The following DDX27 variants were observed in gnomAD, a reference collection of about 807,000 sequenced individuals.
The protein encoded by DDX27 is probable ATP-dependent RNA helicase DDX27.
Under a neutral mutation model 99.3 loss-of-function variants are expected in DDX27, and 42 were observed. The ratio of observed to expected loss-of-function variants is 0.42; its 90% CI spans 0.33 to 0.55. The LOEUF (loss-of-function observed/expected upper bound fraction) is 0.55, where lower values mean the gene tolerates loss of function less well. DDX27 is among the 20% of genes least tolerant of loss of function. DDX27 has a pLI of 0.07. For missense variants in DDX27, 798 were observed against 976.8 expected (o/e 0.82, Z 2.44); for synonymous variants, 329 against 353.8 (o/e 0.93, Z 0.79).
rs1307581190 is a variant in DDX27, at chr20:49,222,986, T to A, written c.270T>A (p.Ile90=). The change falls in exon 3 of 21, where the codon ATT becomes ATA. Residue 90 remains isoleucine (I), a synonymous_variant. Coordinates refer to ENST00000618172, the MANE Select transcript of DDX27 (RefSeq NM_017895.8). ...KRAATTLDEK[I]EKVRKKRKTE... is the part of the protein sequence containing the mutation. ...CAGCCACTACATTAGATGAGAAGAT[T>A]GAGAAAGTTCGAAAGAAAAGGAAAA... The A allele has an allele frequency of 6.2e-7, 1 of 1,613,236 alleles. No individual in the cohort carries two copies.
chr20:49,219,474 G>A lies in DDX27; in HGVS notation c.26G>A (p.Gly9Glu). 1 of 1,614,126 alleles carries A rather than the reference G, an allele frequency of 6.2e-7. No homozygotes were observed. The highest frequency in any genetic ancestry group is 1.3e-5 in the African/African-American group (1 of 75,044). ...ATGCTTGCGGACCTCGGCTTAATCGGAACCATAGGCGAGGATGACGAGGTG... is the reference window on the plus strand; with the variant it reads ...ATGCTTGCGGACCTCGGCTTAATCGAAACCATAGGCGAGGATGACGAGGTG... MLADLGLIGTIGEDDEVPV... is the reference protein window; with the variant it reads MLADLGLIETIGEDDEVPV... The change falls in exon 1 of 21, where the codon GGA becomes GAA. Residue 9 changes from glycine to glutamate, a missense_variant. Physicochemically the swap from Gly to Glu is moderately conservative, Grantham distance 98. This residue lies in a region of DDX27 where 245 missense variants were observed against 248.8 expected (regional missense o/e 0.98). Coordinates refer to ENST00000618172, the MANE Select transcript of DDX27 (RefSeq NM_017895.8).
chr20:49,242,858 A>T (rs541453853), intron 19 of DDX27, among the ~76,000 whole-genome samples, 177 bp downstream of exon 19: 1 of 151,986 alleles, frequency 6.6e-6, no homozygotes, highest in African/African-American at 2.4e-5. Flanking sequence ...AGAAGCTGGG[A>T]CTATAGGCGC....
At chr20:49,227,711 A>T (rs1489946993) in intron 7 of DDX27, among the ~76,000 whole-genome samples, 2 of 151,928 alleles carry the variant, frequency 1.3e-5, no homozygotes, top group African/African-American at 2.4e-5. Flanking sequence ...GCATGAGAGG[A>T]TGTCCGGTCT....
intron 4 of DDX27, 81 bp downstream of exon 4, chr20:49,223,514 C>G: frequency 7.7e-7 from 1 of 1,296,568 alleles, no homozygotes. Context: ...GTTTCCTCCA[C>G]TCTTCTGCAC....
chr20:49,233,524 C>T (rs902791855), intron 10 of DDX27, 44 bp from the exon 11 acceptor site: 3 of 1,603,940 alleles, frequency 1.9e-6, no homozygotes, highest in Admixed American at 3.3e-5. Flanking sequence ...TCCTTCCCTA[C>T]CACCTTGCAG....
At position 49,233,367 on chromosome 20, in the gene DDX27, C is replaced by T. The variant is rs145681733; in HGVS notation, c.1093C>T (p.Arg365Cys). The change falls in exon 10 of 21, where the codon CGC becomes TGC. Residue 365 changes from arginine to cysteine, a missense_variant. Physicochemically the swap from Arg to Cys is radical, Grantham distance 180. This residue lies in a region of DDX27 where 553 missense variants were observed against 727.9 expected (regional missense o/e 0.76). Coordinates refer to ENST00000618172, the MANE Select transcript of DDX27 (RefSeq NM_017895.8). ...KEIIRMCSHH[R>C]QTMLFSATMT... ...GATCATCCGAATGTGTTCCCACCAC[C>T]GCCAGACCATGCTCTTCTCGGCCAC... The T allele has an allele frequency of 2.8e-5, 45 of 1,613,928 alleles. No homozygotes were observed. Among genetic ancestry groups the T allele is most frequent in the East Asian group, 1.1e-4 (5 of 44,884 alleles).
intron 7 of DDX27, among the ~76,000 whole-genome samples, chr20:49,228,235 A>T (rs2146710934): frequency 6.6e-6 from 1 of 151,826 alleles, no homozygotes; most frequent in East Asian, 1.9e-4. Context: ...CTCTGCCTTC[A>T]AGTGAATCTC....
Position 49,228,807 on chromosome 20 carries a change from AC to A in DDX27, c.802del (p.Arg268GlufsTer31). 6.2e-7 allele frequency: 1 copy of A among 1,613,108 alleles called. No individual in the cohort carries two copies. Among genetic ancestry groups the A allele is most frequent in the South Asian group, 1.1e-5 (1 of 90,990 alleles). ...PVTRVLVLVP[T>X]RELGIQVHSV... ...CACCCGCGTGCTGGTGCTAGTGCCC[AC>A]CCGAGAGCTGGGCATCCAGGTGCAC... is the stretch of plus-strand genomic sequence containing the variant. On this transcript the variant is annotated frameshift_variant, in exon 8 of 21. Coordinates refer to ENST00000618172, the MANE Select transcript of DDX27 (RefSeq NM_017895.8). LOFTEE classifies it high-confidence loss of function.
At chr20:49,228,677 A>G (rs1979986592) in intron 7 of DDX27, 38 bp from the exon 8 acceptor site, 1 of 1,548,848 alleles carries the variant, frequency 6.5e-7, no homozygotes, top group African/African-American at 1.4e-5. Context: ...AGGGAGCTAA[A>G]CTTCTTCTCA....
In DDX27 at chr20:49,225,053, G is replaced by A. The variant is rs548458180; in HGVS notation, c.514-60G>A. On this transcript the variant is annotated intron_variant, in intron 5 of 20. Transcript: ENST00000618172. ...GGCAAACCGAAAGGAGTTTAAGGTC[G>A]TTTGGGTTTCTTGGCTCTTTTTGTT... The A allele has an allele frequency of 1.4e-5, 22 of 1,612,144 alleles. No homozygotes were observed. The African/African-American group carries it at 1.7e-4, about 13-fold the overall frequency.
chr20:49,228,687 A>G (rs1328032687), intron 7 of DDX27, 28 bp from the exon 8 acceptor site: 11 of 1,568,172 alleles, frequency 7.0e-6, no homozygotes, highest in Admixed American at 3.5e-5. Context: ...ACTTCTTCTC[A>G]TTGCTTCCTT....
intron 16 of DDX27, 115 bp downstream of exon 16, chr20:49,239,453 G>C (rs1980406943): frequency 1.4e-6 from 1 of 725,806 alleles, no homozygotes; most frequent in Admixed American, 2.9e-5. Context: ...TCGGCACCAA[G>C]GACCAGTATC....
At chr20:49,229,723 AC>A (rs1185365838) in intron 8 of DDX27, among the ~76,000 whole-genome samples, 1 of 147,854 alleles carries the variant, frequency 6.8e-6, no homozygotes, top group Admixed American at 6.9e-5. Context: ...ATCTTGGCTC[AC>A]TGCAACCTCC....
At chr20:49,235,268 T>A (rs1980264772) in intron 12 of DDX27, 180 bp downstream of exon 12, 1 of 593,672 alleles carries the variant, frequency 1.7e-6, no homozygotes. Flanking sequence ...TTTAGAACTC[T>A]AACTTCATAG....
intron 16 of DDX27, among the ~76,000 whole-genome samples, chr20:49,240,113 G>T (rs1251078518): frequency 1.3e-5 from 2 of 152,180 alleles, no homozygotes; most frequent in Non-Finnish European, 2.9e-5. Context: ...TTTCAATGAT[G>T]TCAGTGAGTA....
chr20:49,226,654 ATTTTTAT>A (rs952171156), intron 7 of DDX27, 119 bp downstream of exon 7: 2 of 640,812 alleles, frequency 3.1e-6, no homozygotes. Flanking sequence ...GAACTATTTC[ATTTTTAT>A]TTTTTATTTT....
At position 49,221,750 on chromosome 20, in the gene DDX27, G is replaced by T. The variant is rs536908539; in HGVS notation, c.240+152G>T. 4.5e-5 allele frequency: 23 copies of T among 511,592 alleles called. No individual in the cohort carries two copies. In the East Asian group the frequency reaches 7.7e-4, roughly 17 times the overall value. 31.7% of individuals were successfully genotyped at this position (511,592 alleles called of 1,614,324 possible). A position where few individuals can be genotyped will look rare whatever the true frequency, so the allele number is the denominator to read the frequency against. On this transcript the variant is annotated intron_variant, in intron 2 of 20. Transcript: ENST00000618172. ...AATAACTGGTTAAAAAAAAACAAAAGAAAATATCTGGTATACTTTTGATGA... is the reference window on the plus strand; with the variant it reads ...AATAACTGGTTAAAAAAAAACAAAATAAAATATCTGGTATACTTTTGATGA...
chr20:49,243,201 A>G (rs1980538435), intron 19 of DDX27, among the ~76,000 whole-genome samples: 1 of 152,124 alleles, frequency 6.6e-6, no homozygotes, highest in Non-Finnish European at 1.5e-5. Flanking sequence ...TTCAGTTAGC[A>G]CTGTTCCTGC....
At chr20:49,243,210 G>A (rs1367418058) in intron 19 of DDX27, among the ~76,000 whole-genome samples, 1 of 152,174 alleles carries the variant, frequency 6.6e-6, no homozygotes, top group Non-Finnish European at 1.5e-5. Flanking sequence ...CACTGTTCCT[G>A]CCTTGGAGGT....
Sources: gnomAD v4.1 joint callset for allele counts (sites outside exome capture counted in the v4.1 genomes callset) on GRCh38, gnomAD v4.1.1 for gene constraint, gnomAD v4.1.1 regional missense constraint, MANE v1.5 for transcripts, NCBI Gene and HGNC (gene_info 2026-07-23, HGNC 2026-07-21) for gene names.